Variants in DPYD observed in about 807,000 individuals in gnomAD.
DPYD encodes dihydropyrimidine dehydrogenase [NADP(+)].
In DPYD, 109 loss-of-function variants were observed where a neutral mutation model predicts 116.2. That is an observed-to-expected ratio of 0.94 (90% CI 0.80 to 1.10). The LOEUF is 1.10. DPYD is among the 50% of genes least tolerant of loss of function. The pLI, the probability that DPYD is intolerant of heterozygous loss-of-function variation, is 0.00. For synonymous variants in DPYD, 440 were observed against 432.0 expected, an observed-to-expected ratio of 1.02 and a Z score of -0.23; for missense variants, 1,302 against 1,254.5, an observed-to-expected ratio of 1.04 and a Z score of -0.57.
Position 97,306,307 on chromosome 1 carries a change from TAGG to T in DPYD, c.2059-13_2059-11del. 2.5e-6 allele frequency: 4 copies of T among 1,611,970 alleles called. No individual in the cohort carries two copies. Among genetic ancestry groups the T allele is most frequent in the Non-Finnish European group, 3.4e-6 (4 of 1,178,524 alleles). On this transcript the variant is annotated splice_polypyrimidine_tract_variant and intron_variant, in intron 16 of 22. Coordinates refer to ENST00000370192, the MANE Select transcript of DPYD (RefSeq NM_000110.4). ...GCACCAGCTCTGGATCCTGTTCAAA[TAGG>T]TCGGTTAAATATAGAACAAAATTAA...
At chr1:97,473,873 A>G (rs1335700302) in intron 13 of DPYD, among the ~76,000 whole-genome samples, 1 of 151,976 alleles carries the variant, frequency 6.6e-6, no homozygotes, top group Non-Finnish European at 1.5e-5. Flanking sequence ...TTAGCTGGGC[A>G]TGGTGGAATA....
At chr1:97,525,757 T>TGAGAGAGAGAGAGAGA (rs1557772638) in intron 12 of DPYD, among the ~76,000 whole-genome samples, 3 of 54,214 alleles carry the variant, frequency 5.5e-5, no homozygotes, top group Non-Finnish European at 1.1e-4. Flanking sequence ...CCCTGGGTAA[T>TGAGAGAGAGAGAGAGA]TAGAGAGAGA....
intron 13 of DPYD, among the ~76,000 whole-genome samples, chr1:97,486,640 T>TAAG (rs1224334985): frequency 1.3e-5 from 2 of 152,156 alleles, no homozygotes; most frequent in African/African-American, 4.8e-5. Flanking sequence ...GGAAGGTATA[T>TAAG]CACTGTTAGT....
At chr1:97,343,681 TATGTCTTCCATGAGA>T (rs1486651637) in intron 16 of DPYD, among the ~76,000 whole-genome samples, 1 of 152,030 alleles carries the variant, frequency 6.6e-6, no homozygotes, top group Non-Finnish European at 1.5e-5. Context: ...TGATTAGGTT[TATGTCTTCCATGAGA>T]ATTTTTTTTA....
At chr1:97,584,602 T>C (rs1571005058) in intron 10 of DPYD, among the ~76,000 whole-genome samples, 2 of 151,888 alleles carry the variant, frequency 1.3e-5, no homozygotes, top group African/African-American at 4.8e-5. Context: ...ATATACACCA[T>C]GGAATACTAT....
intron 20 of DPYD, among the ~76,000 whole-genome samples, chr1:97,109,728 T>G (rs1651452919): frequency 6.6e-6 from 1 of 152,080 alleles, no homozygotes; most frequent in Non-Finnish European, 1.5e-5. Flanking sequence ...AAAACCCTAT[T>G]TAGAGTTACA....
At chr1:97,241,654 C>T (rs545806402) in intron 18 of DPYD, among the ~76,000 whole-genome samples, 49 of 151,970 alleles carry the variant, frequency 3.2e-4, no homozygotes, top group African/African-American at 1.2e-3. Context: ...GAAGTCCAAC[C>T]AATTAGGTGT....
intron 20 of DPYD, among the ~76,000 whole-genome samples, chr1:97,111,743 A>G (rs755766625): frequency 5.3e-5 from 8 of 152,032 alleles, no homozygotes; most frequent in Non-Finnish European, 1.0e-4. Flanking sequence ...AATTTCCAGA[A>G]CCTTGAGCAA....
rs760720131 is a variant in DPYD at position 97,595,058 on chromosome 1, C to G, written c.958+1G>C. On this transcript the variant is annotated splice_donor_variant, in intron 9 of 22. Transcript: ENST00000370192. LOFTEE classifies it high-confidence loss of function. The stretch of plus-strand genomic sequence containing the variant: ...TAAGCATAAAAGACAATATGTTATA[C>G]CTGCTTTACTGCCTTTGGCTACAAG... The G allele has an allele frequency of 6.2e-7, 1 of 1,608,320 alleles. No homozygotes were observed. Among genetic ancestry groups the G allele is most frequent in the Middle Eastern group, 1.7e-4 (1 of 6,050 alleles).
rs150481442 is a variant in DPYD, at chr1:97,765,842, T to C, written c.234-25363A>G. On this transcript the variant is annotated intron_variant, in intron 3 of 22. Transcript: ENST00000370192. ...TCAGGTAGTAAGCAAAGGCTGATAA[T>C]TGATGCAAAAGCTAAAAAGACGATA... Among the ~76,000 whole-genome samples the C allele has an allele frequency of 3.3e-3, 501 of 152,274 alleles. 1 individual carries two copies. The highest frequency in any genetic ancestry group is 0.024 in the Middle Eastern group (7 of 294).
chr1:97,545,856 G>C, intron 12 of DPYD: 1 of 1,105,584 alleles, frequency 9.0e-7, no homozygotes, highest in East Asian at 2.4e-5. Flanking sequence ...ACATTGAAGA[G>C]GACAATCTTA....
At chr1:97,315,649 A>G (rs1014252398) in intron 16 of DPYD, among the ~76,000 whole-genome samples, 1 of 151,970 alleles carries the variant, frequency 6.6e-6, no homozygotes, top group Non-Finnish European at 1.5e-5. Flanking sequence ...AACTTGCCCA[A>G]GTGACCCCAG....
Position 97,357,865 on chromosome 1 carries a change from C to T in DPYD, c.2058+15696G>A, listed in dbSNP as rs143380048. 3.4e-3 allele frequency among the ~76,000 whole-genome samples: 519 copies of T among 152,332 alleles called. 2 individuals are homozygous for T. Among genetic ancestry groups the T allele is most frequent in the African/African-American group, 0.012 (497 of 41,588 alleles). ...ATGGCCGAATAGGAACAGCTCCGAT[C>T]TGCAGCTTCCAGCATGATCAATGCA... On this transcript the variant is annotated intron_variant, in intron 16 of 22. Transcript: ENST00000370192.
intron 20 of DPYD, among the ~76,000 whole-genome samples, chr1:97,102,588 AC>A (rs1181141914): frequency 1.3e-5 from 2 of 149,632 alleles, no homozygotes; most frequent in Non-Finnish European, 3.0e-5. Flanking sequence ...CTAAAAGTTG[AC>A]TTTTTTTTCC....
intron 16 of DPYD, among the ~76,000 whole-genome samples, chr1:97,323,837 G>T (rs1668565135): frequency 6.6e-6 from 1 of 151,044 alleles, no homozygotes; most frequent in Admixed American, 6.6e-5. Flanking sequence ...CTTCCTATTT[G>T]CAGGAAATTT....
At chr1:97,281,567 TA>T (rs1665326821) in intron 18 of DPYD, among the ~76,000 whole-genome samples, 1 of 54,076 alleles carries the variant, frequency 1.8e-5, no homozygotes, top group African/African-American at 8.1e-5. Flanking sequence ...CCAATCAAAT[TA>T]TTAAGTATGA....
intron 20 of DPYD, among the ~76,000 whole-genome samples, chr1:97,105,220 G>A (rs1651049370): frequency 6.6e-6 from 1 of 152,058 alleles, no homozygotes; most frequent in Non-Finnish European, 1.5e-5. Flanking sequence ...AGAACAAAGA[G>A]ATGGTCCAAG....
At chr1:97,486,355 G>T (rs150809634) in intron 13 of DPYD, among the ~76,000 whole-genome samples, 1 of 152,050 alleles carries the variant, frequency 6.6e-6, no homozygotes, top group African/African-American at 2.4e-5. Flanking sequence ...ACTCCATTAC[G>T]TATGAAATAA....
At chr1:97,855,916 G>C (rs997697937) in intron 2 of DPYD, 1 of 152,198 alleles carries the variant, frequency 6.6e-6, no homozygotes, top group African/African-American at 2.4e-5. Context: ...GTCTGATCAA[G>C]CTTCTGTGTG....
Sources: gnomAD v4.1 joint callset for allele counts (sites outside exome capture counted in the v4.1 genomes callset) on GRCh38, gnomAD v4.1.1 for gene constraint, MANE v1.5 for transcripts, NCBI Gene and HGNC (gene_info 2026-07-23, HGNC 2026-07-21) for gene names.